ACP6: variants seen among roughly 807,000 people sequenced by gnomAD.
The protein encoded by ACP6 is lysophosphatidic acid phosphatase type 6.
In ACP6, 48 loss-of-function variants were observed where a neutral mutation model predicts 48.1. The ratio of observed to expected loss-of-function variants is 1.00; its 90% CI spans 0.79 to 1.27. The LOEUF (loss-of-function observed/expected upper bound fraction) is 1.27. Among genes scored for constraint, ACP6 ranks in the 50% most tolerant of loss-of-function variants. The pLI, the probability that ACP6 is intolerant of heterozygous loss-of-function variation, is 0.00. For missense variants in ACP6, 485 were observed against 529.1 expected (o/e 0.92, Z 0.82); for synonymous variants, 172 against 204.2 (o/e 0.84, Z 1.34).
downstream of ACP6, among the ~76,000 whole-genome samples, chr1:147,641,938 C>T (rs1452287837): frequency 6.6e-6 from 1 of 152,146 alleles, no homozygotes; most frequent in Non-Finnish European, 1.5e-5. Flanking sequence ...AGTTAAGAAT[C>T]TCGTGGGAAG....
chr1:147,662,418 C>T (rs1451526890), intron 1 of ACP6, among the ~76,000 whole-genome samples: 1 of 152,134 alleles, frequency 6.6e-6, no homozygotes, highest in Non-Finnish European at 1.5e-5. Context: ...TTCTAGATGT[C>T]ATTAAGAACA....
At chr1:147,663,096 A>G (rs1428778127) in intron 1 of ACP6, among the ~76,000 whole-genome samples, 2 of 152,256 alleles carry the variant, frequency 1.3e-5, no homozygotes, top group Non-Finnish European at 2.9e-5. Flanking sequence ...ATGATAGGAT[A>G]CAGAAGAGTG....
At chr1:147,654,107 C>T in intron 6 of ACP6, 87 bp downstream of exon 6, 2 of 1,554,624 alleles carry the variant, frequency 1.3e-6, no homozygotes, top group South Asian at 1.2e-5. Flanking sequence ...AACCAGGAGG[C>T]CTCCACCCAC....
intron 1 of ACP6, among the ~76,000 whole-genome samples, chr1:147,667,084 A>T (rs962666284): frequency 1.3e-5 from 2 of 152,128 alleles, no homozygotes; most frequent in Non-Finnish European, 2.9e-5. Flanking sequence ...GTGCATTTGG[A>T]TCTGCTCTAA....
intron 5 of ACP6, among the ~76,000 whole-genome samples, chr1:147,636,933 G>A (rs1659317235): frequency 6.6e-6 from 1 of 152,222 alleles, no homozygotes; most frequent in Non-Finnish European, 1.5e-5. Flanking sequence ...AAGCACCACA[G>A]TGGAAATTCC....
intron 4 of ACP6, among the ~76,000 whole-genome samples, chr1:147,656,382 G>A (rs1417408328): frequency 6.6e-6 from 1 of 152,198 alleles, no homozygotes; most frequent in African/African-American, 2.4e-5. Context: ...ATGGCTGCAA[G>A]GTGGAGATCG....
In ACP6 at chr1:147,642,485, T is replaced by TA. The variant is rs1339886744; in HGVS notation, c.*4937dup. On this transcript the variant is annotated 3_prime_UTR_variant, in exon 10 of 10. Transcript: ENST00000583509. ...AGAGGAGTGCGATTTCCTTTTTTTT[T>TA]AAACATACTATAGGTCTGGCTAGGG... The TA allele has an allele frequency of 0.71, 108,088 of 151,328 alleles. 39,096 individuals are homozygous for TA. The highest frequency in any genetic ancestry group is 0.84 in the African/African-American group (34,678 of 41,260). 9.4% of individuals were successfully genotyped at this position (151,328 alleles called of 1,614,324 possible). A position where few individuals can be genotyped will look rare whatever the true frequency, so the allele number is the denominator to read the frequency against.
chr1:147,667,021 C>A (rs1660831980), intron 1 of ACP6, among the ~76,000 whole-genome samples: 1 of 152,090 alleles, frequency 6.6e-6, no homozygotes, highest in Non-Finnish European at 1.5e-5. Flanking sequence ...CATCTTGACA[C>A]CCAGGGGAGT....
intron 3 of ACP6, 112 bp from the exon 4 acceptor site, chr1:147,659,151 A>C: frequency 8.8e-7 from 1 of 1,137,668 alleles, no homozygotes; most frequent in Non-Finnish European, 1.2e-6. Flanking sequence ...AAGGAGAGCT[A>C]TGGAACTAGG....
At chr1:147,665,643 T>C (rs1191642683) in intron 1 of ACP6, among the ~76,000 whole-genome samples, 1 of 152,208 alleles carries the variant, frequency 6.6e-6, no homozygotes, top group Non-Finnish European at 1.5e-5. Context: ...GACTGAATTA[T>C]CCATCCTTGT....
In ACP6 at chr1:147,647,493, G is replaced by C; in HGVS notation, c.1217C>G (p.Thr406Ser). The change falls in exon 10 of 10, where the codon ACC (threonine) becomes AGC (serine). Residue 406 changes from threonine (T) to serine (S), a missense_variant. By Grantham distance (58) the Thr-to-Ser change is moderately conservative (BLOSUM62 1). Coordinates refer to ENST00000583509, the MANE Select transcript of ACP6 (RefSeq NM_016361.5). ...TGCGTGGTATTTTTCTGGGCTTAAG[G>C]TATAAACTGACATGGCATTCAAGAA... is the stretch of plus-strand genomic sequence containing the variant. ...DMFLNAMSVY[T>S]LSPEKYHALC... 6.2e-7 allele frequency: 1 copy of C among 1,614,126 alleles called. No homozygotes were observed. Among genetic ancestry groups the C allele is most frequent in the Non-Finnish European group, 8.5e-7 (1 of 1,180,030 alleles).
chr1:147,648,421 GAA>G lies in ACP6; in HGVS notation c.978-12_978-11del. On this transcript the variant is annotated splice_polypyrimidine_tract_variant and intron_variant, in intron 8 of 9. Coordinates refer to ENST00000583509, the MANE Select transcript of ACP6 (RefSeq NM_016361.5). The stretch of plus-strand genomic sequence containing the variant: ...ATAGAGATACAGCTTTCTGCAAGAG[GAA>G]ACAGCTCTCCACAATTCTCTGCCTC... The G allele has an allele frequency of 6.2e-7, 1 of 1,613,988 alleles. No individual in the cohort carries two copies. Among genetic ancestry groups the G allele is most frequent in the Admixed American group, 1.7e-5 (1 of 60,002 alleles).
At chr1:147,660,792 T>C (rs999460557) in intron 1 of ACP6, among the ~76,000 whole-genome samples, 1 of 152,260 alleles carries the variant, frequency 6.6e-6, no homozygotes, top group Non-Finnish European at 1.5e-5. Flanking sequence ...ATATTGTATA[T>C]ATTTATGGAG....
chr1:147,655,304 C>A, intron 4 of ACP6, 56 bp from the exon 5 acceptor site: 1 of 1,248,172 alleles, frequency 8.0e-7, no homozygotes, highest in East Asian at 2.5e-5. Flanking sequence ...TTCTTCCCAG[C>A]ATCTCCACCC....
At chr1:147,648,693 G>C (rs184725851) in intron 8 of ACP6, among the ~76,000 whole-genome samples, 1 of 152,128 alleles carries the variant, frequency 6.6e-6, no homozygotes, top group African/African-American at 2.4e-5. Context: ...GAAACTGAGC[G>C]TGTGTGGCTT....
chr1:147,642,018 C>T (rs1036347817), downstream of ACP6, among the ~76,000 whole-genome samples: 2 of 152,204 alleles, frequency 1.3e-5, no homozygotes, highest in African/African-American at 4.8e-5. Flanking sequence ...TTGATTCTCA[C>T]AACAACCCTA....
chr1:147,662,014 T>G (rs1252492816), intron 1 of ACP6, among the ~76,000 whole-genome samples: 2 of 152,210 alleles, frequency 1.3e-5, no homozygotes, highest in Non-Finnish European at 2.9e-5. Flanking sequence ...CCCTTAAGAA[T>G]TATGCTAAAT....
At position 147,647,556 on chromosome 1, in the gene ACP6, G is replaced by T. The variant is rs782391965; in HGVS notation, c.1154C>A (p.Pro385Gln). 1 of 1,612,650 alleles carries T rather than the reference G, an allele frequency of 6.2e-7. No homozygotes were observed. The highest frequency in any genetic ancestry group is 8.5e-7 in the Non-Finnish European group (1 of 1,179,870). Residue 385 changes from proline (P) to glutamine (Q), a missense_variant, in exon 10 of 10, where the codon CCG (proline) becomes CAG (glutamine). Physicochemically the swap from Pro to Gln is moderately conservative, Grantham distance 76. Transcript: ENST00000583509. ...QLYYHGKEQV[P>Q]RGCPDGLCPL... ...GCAGAGCCCATCAGGGCAACCTCTCGGCACCTGCTCCTGCAGAAGAAACAT... is the reference window on the plus strand; with the variant it reads ...GCAGAGCCCATCAGGGCAACCTCTCTGCACCTGCTCCTGCAGAAGAAACAT...
intron 1 of ACP6, among the ~76,000 whole-genome samples, chr1:147,665,763 G>C (rs1660762947): frequency 6.6e-6 from 1 of 152,118 alleles, no homozygotes; most frequent in Admixed American, 6.5e-5. Context: ...GCGTCTCCTA[G>C]GAGTCTGGAG....
Sources: gnomAD v4.1 joint callset for allele counts (sites outside exome capture counted in the v4.1 genomes callset) on GRCh38, gnomAD v4.1.1 for gene constraint, MANE v1.5 for transcripts, NCBI Gene and HGNC (gene_info 2026-07-23, HGNC 2026-07-21) for gene names.